The following DNAH6 variants were observed in gnomAD, a reference collection of about 807,000 sequenced individuals.
DNAH6 encodes dynein axonemal heavy chain 6, also known as axonemal beta dynein heavy chain 6.
Under a neutral mutation model 491.4 loss-of-function variants are expected in DNAH6, and 340 were observed. The observed-to-expected ratio is 0.69, with a 90% CI of 0.63 to 0.76. The LOEUF (loss-of-function observed/expected upper bound fraction) is 0.76. Ranked by LOEUF, DNAH6 falls within the 30% of genes least tolerant of loss-of-function variation. The pLI, the probability that DNAH6 is intolerant of heterozygous loss-of-function variation, is 0.00. For synonymous variants in DNAH6, 1,603 were observed against 1,686.1 expected (o/e 0.95, Z 1.21); for missense variants, 4,443 against 4,972.2 (o/e 0.89, Z 3.20).
rs1042896654 is a variant in DNAH6 at position 84,819,242 on chromosome 2, T to C, written c.12374-63T>C. On this transcript the variant is annotated intron_variant, in intron 76 of 76. Coordinates refer to ENST00000389394, the MANE Select transcript of DNAH6 (RefSeq NM_001370.2). ...AGATGTCTTGACTCTTTGTAGCCTC[T>C]CTCTTTGTATGAGGAAGTTATTCTC... 2.1e-5 allele frequency: 25 copies of C among 1,211,918 alleles called. No homozygotes were observed. The African/African-American group carries it at 3.7e-4, about 18-fold the overall frequency. 75.1% of individuals were successfully genotyped at this position (1,211,918 alleles called of 1,614,324 possible).
At chr2:84,459,618 A>C in the DNAH6 span, 5 of 268,210 alleles carry the variant, frequency 1.9e-5, no homozygotes, top group Non-Finnish European at 2.9e-5. Flanking sequence ...GAAGAGCGGC[A>C]GTGAGACCGG....
At chr2:84,469,070 C>A in the DNAH6 span, among the ~76,000 whole-genome samples, 2 of 152,188 alleles carry the variant, frequency 1.3e-5, no homozygotes, top group Admixed American at 6.5e-5. This position sits in a 1 kb window ranked among gnomAD's most constrained non-coding sequence, Gnocchi z 4.0. Context: ...AAAACAAATT[C>A]ATAGCACAAA....
intron 59 of DNAH6, 58 bp downstream of exon 59, chr2:84,718,442 C>T (rs1697761866): frequency 7.2e-6 from 10 of 1,392,448 alleles, no homozygotes; most frequent in Middle Eastern, 5.0e-4. Context: ...GTTATAACTA[C>T]AGCCTTTGAG....
intron 4 of DNAH6, among the ~76,000 whole-genome samples, chr2:84,536,380 A>G (rs1040379864): frequency 5.9e-5 from 9 of 152,092 alleles, no homozygotes; most frequent in Admixed American, 2.6e-4. Flanking sequence ...ACTGACAAAG[A>G]TTAGGAATCG....
At chr2:84,555,176 A>T (rs1448794155) in intron 10 of DNAH6, among the ~76,000 whole-genome samples, 1 of 152,232 alleles carries the variant, frequency 6.6e-6, no homozygotes, top group East Asian at 1.9e-4. Context: ...ATAGAGATTA[A>T]TCTAAAGGAA....
intron 33 of DNAH6, among the ~76,000 whole-genome samples, chr2:84,648,226 G>T (rs1473422812): frequency 1.3e-5 from 2 of 152,172 alleles, no homozygotes; most frequent in African/African-American, 4.8e-5. Context: ...AAATATTACT[G>T]CTCATTGGCA....
intron 29 of DNAH6, among the ~76,000 whole-genome samples, chr2:84,625,667 A>G (rs1313405423): frequency 2.0e-5 from 3 of 152,206 alleles, no homozygotes; most frequent in Non-Finnish European, 2.9e-5. Flanking sequence ...TAACTTAAAC[A>G]TGTTTTTGTA....
chr2:84,790,108 C>G (rs913122461), intron 68 of DNAH6, among the ~76,000 whole-genome samples: 23 of 152,148 alleles, frequency 1.5e-4, no homozygotes, highest in African/African-American at 5.3e-4. Context: ...CAAAAATGAC[C>G]TTTATATTTA....
At chr2:84,776,922 G>C (rs1391708171) in intron 64 of DNAH6, among the ~76,000 whole-genome samples, 1 of 152,180 alleles carries the variant, frequency 6.6e-6, no homozygotes, top group Non-Finnish European at 1.5e-5. Flanking sequence ...CCATGTAAAA[G>C]GATGAGTTCA....
chr2:84,580,309 TACACACGCACACACACACACACAC>T (rs1558747402), intron 14 of DNAH6, among the ~76,000 whole-genome samples: 2 of 63,196 alleles, frequency 3.2e-5, no homozygotes, highest in African/African-American at 1.3e-4. Flanking sequence ...TACACACACA[TACACACGCACACACACACACACAC>T]ACACACACAC....
chr2:84,745,665 CAAAAAA>C (rs34589141), intron 63 of DNAH6, among the ~76,000 whole-genome samples: 1 of 61,930 alleles, frequency 1.6e-5, no homozygotes, highest in African/African-American at 5.4e-5. Context: ...GACACTGTCT[CAAAAAA>C]AAAAAAAAAA....
chr2:84,568,397 G>T (rs564620384), intron 11 of DNAH6, among the ~76,000 whole-genome samples: 36 of 152,242 alleles, frequency 2.4e-4, no homozygotes, highest in East Asian at 1.5e-3. Context: ...CCATAAAAAA[G>T]AATGAGATCA....
chr2:84,726,207 T>C (rs1185080767), intron 60 of DNAH6, among the ~76,000 whole-genome samples: 4 of 152,182 alleles, frequency 2.6e-5, no homozygotes, highest in African/African-American at 4.8e-5. Flanking sequence ...CTTAGTGGGC[T>C]TCTAGCTGCC....
In DNAH6 at chr2:84,699,360, C is replaced by T. The variant is rs1192285; in HGVS notation, c.7678-234C>T. Among the ~76,000 whole-genome samples the T allele has an allele frequency of 0.14, 21,146 of 152,080 alleles. 2,190 individuals are homozygous for T. The highest frequency in any genetic ancestry group is 0.29 in the African/African-American group (12,093 of 41,444). Reference sequence around the variant, plus strand: ...CCTCAAGTACACGGGTGAAAGGGACCTAAATCACATCCAGAACCCTAGCCA... The same window carrying T: ...CCTCAAGTACACGGGTGAAAGGGACTTAAATCACATCCAGAACCCTAGCCA... On this transcript the variant is annotated intron_variant, in intron 47 of 76. Coordinates refer to ENST00000389394, the MANE Select transcript of DNAH6 (RefSeq NM_001370.2).
intron 76 of DNAH6, among the ~76,000 whole-genome samples, chr2:84,818,426 A>G (rs1680697737): frequency 1.5e-5 from 2 of 137,460 alleles, no homozygotes; most frequent in African/African-American, 5.4e-5. Flanking sequence ...TCAAGTCTGC[A>G]GTTAGCCATA....
In DNAH6 at chr2:84,718,331, G is replaced by A. The variant is rs767778614; in HGVS notation, c.9739G>A (p.Glu3247Lys). ...AATCCTGAGAATGCTCTTTACCTCTGAAGGAAATATTCTGGACAATGAAGA... is the reference window on the plus strand; with the variant it reads ...AATCCTGAGAATGCTCTTTACCTCTAAAGGAAATATTCTGGACAATGAAGA... ...EKILRMLFTS[E>K]GNILDNEELI... The change falls in exon 59 of 77, where the codon GAA (glutamate) becomes AAA (lysine). Residue 3247 changes from glutamate (E) to lysine (K), a missense_variant. Physicochemically the swap from Glu to Lys is moderately conservative, Grantham distance 56. Coordinates refer to ENST00000389394, the MANE Select transcript of DNAH6 (RefSeq NM_001370.2). 13 of 1,550,330 alleles carry A rather than the reference G, an allele frequency of 8.4e-6. No homozygotes were observed. In the South Asian group the frequency reaches 1.6e-4, roughly 19 times the overall value.
chr2:84,462,461 C>T, the DNAH6 span, among the ~76,000 whole-genome samples: 1 of 152,194 alleles, frequency 6.6e-6, no homozygotes, highest in Non-Finnish European at 1.5e-5. Flanking sequence ...ATCCAGACTT[C>T]CTGAGTCACG....
At chr2:84,530,269 G>A (rs1677036705) in intron 4 of DNAH6, among the ~76,000 whole-genome samples, 1 of 152,154 alleles carries the variant, frequency 6.6e-6, no homozygotes, top group Non-Finnish European at 1.5e-5. Context: ...AAGAGGATTA[G>A]GAGTGCTGGG....
In DNAH6 at chr2:84,784,846, G is replaced by T. The variant is rs184463844; in HGVS notation, c.10953+36G>T. On this transcript the variant is annotated intron_variant, in intron 66 of 76. Transcript: ENST00000389394. ...CATATGGTTGGAACAATGTGAAATG[G>T]TTGGTTTCAGAATATTCACCTAGTG... 110 of 1,430,652 alleles carry T rather than the reference G, an allele frequency of 7.7e-5. No homozygotes were observed. In the East Asian group the frequency reaches 2.1e-3, roughly 28 times the overall value. The allele number at this position is 1,430,652 out of a possible 1,614,324, so 88.6% of individuals were successfully genotyped here.
Sources: gnomAD v4.1 joint callset for allele counts (sites outside exome capture counted in the v4.1 genomes callset) on GRCh38, gnomAD v4.1.1 for gene constraint, Gnocchi (gnomAD v3.1) non-coding constraint, MANE v1.5 for transcripts, NCBI Gene and HGNC (gene_info 2026-07-23, HGNC 2026-07-21) for gene names.